The following SLC28A2 variants were observed in gnomAD, a reference collection of about 807,000 sequenced individuals.
SLC28A2 encodes the protein solute carrier family 28 member 2.
SLC28A2 carries 69 observed loss-of-function variants against 72.9 expected under a neutral mutation model. The observed-to-expected ratio is 0.95, with a 90% confidence interval of 0.78 to 1.16. The LOEUF (loss-of-function observed/expected upper bound fraction) is 1.16, where lower values mean the gene tolerates loss of function less well. SLC28A2 is among the 50% of genes most tolerant of loss of function. The pLI is 0.00. For synonymous variants in SLC28A2, 296 were observed against 294.1 expected (o/e 1.01, Z -0.07); for missense variants, 745 against 791.1 (o/e 0.94, Z 0.70).
At chr15:45,264,484 G>A (rs371198039) in intron 6 of SLC28A2, 171 bp from the exon 7 acceptor site, 1 of 591,356 alleles carries the variant, frequency 1.7e-6, no homozygotes, top group African/African-American at 1.9e-5. Context: ...GTGGCTTTTT[G>A]TATATTACTG....
Position 45,269,467 on chromosome 15 carries a change from T to C in SLC28A2, c.1498T>C (p.Ser500Pro). The C allele has an allele frequency of 6.2e-7, 1 of 1,614,142 alleles. No homozygotes were observed. The highest frequency in any genetic ancestry group is 8.5e-7 in the Non-Finnish European group (1 of 1,179,982). The change falls in exon 14 of 18, where the codon TCT (serine) becomes CCT (proline). Residue 500 changes from serine (S) to proline (P), a missense_variant. Physicochemically the swap from Ser to Pro is moderately conservative, Grantham distance 74 (BLOSUM62 -1). Transcript: ENST00000347644. ...INEFVAYQQL[S>P]QYKNKRLSGM... ...TGAGTTTGTGGCTTATCAGCAACTG[T>C]CTCAATACAAGAACAAACGTCTCTC...
chr15:45,262,255 A>G (rs555937073), intron 4 of SLC28A2, 149 bp downstream of exon 4: 31 of 598,842 alleles, frequency 5.2e-5, no homozygotes, highest in Non-Finnish European at 6.6e-5. Context: ...TTGTAGGTGC[A>G]CCATAATGTA....
intron 17 of SLC28A2, among the ~76,000 whole-genome samples, chr15:45,273,503 G>A (rs1361925855): frequency 3.3e-5 from 5 of 152,172 alleles, no homozygotes; most frequent in Non-Finnish European, 2.9e-5. Flanking sequence ...TGATATATGC[G>A]TGAGTGAAGG....
chr15:45,270,331 G>A (rs564226560), intron 15 of SLC28A2, 55 bp downstream of exon 15: 1 of 1,158,806 alleles, frequency 8.6e-7, no homozygotes, highest in African/African-American at 1.5e-5. Flanking sequence ...CCCAGCTTCT[G>A]TAGTGGGCAG....
At chr15:45,266,208 G>T in intron 10 of SLC28A2, 47 bp downstream of exon 10, 1 of 1,334,186 alleles carries the variant, frequency 7.5e-7, no homozygotes, top group African/African-American at 1.4e-5. Context: ...GAGGAACTGA[G>T]AATTTGGCAC....
rs761762229 is a variant in SLC28A2 at position 45,267,816 on chromosome 15, T to C, written c.1199+20T>C. The stretch of plus-strand genomic sequence containing the variant: ...CCGTGGGTGAGTCCAAGGAGGCATA[T>C]ACTTTGGGAGATGGTGAGCTGTAGT... On this transcript the variant is annotated intron_variant, in intron 12 of 17. Coordinates refer to ENST00000347644, the MANE Select transcript of SLC28A2 (RefSeq NM_004212.4). The C allele has an allele frequency of 1.9e-6, 3 of 1,613,300 alleles. No individual in the cohort carries two copies. The highest frequency in any genetic ancestry group is 1.7e-5 in the Admixed American group (1 of 59,978).
chr15:45,263,395 C>A, intron 5 of SLC28A2, 151 bp downstream of exon 5: 1 of 702,140 alleles, frequency 1.4e-6, no homozygotes, highest in Non-Finnish European at 2.3e-6. Flanking sequence ...CCTCTGAGCA[C>A]AGGACCTCAG....
Position 45,267,803 on chromosome 15 carries a change from C to T in SLC28A2, c.1199+7C>T, listed in dbSNP as rs1430414149. 1 of 1,613,652 alleles carries T rather than the reference C, an allele frequency of 6.2e-7. No individual in the cohort carries two copies. The highest frequency in any genetic ancestry group is 8.5e-7 in the Non-Finnish European group (1 of 1,179,860). On this transcript the variant is annotated splice_region_variant and intron_variant, in intron 12 of 17. Coordinates refer to ENST00000347644, the MANE Select transcript of SLC28A2 (RefSeq NM_004212.4). The stretch of plus-strand genomic sequence containing the variant: ...GGGTAAAGCTGCCCCGTGGGTGAGT[C>T]CAAGGAGGCATATACTTTGGGAGAT...
intron 3 of SLC28A2, among the ~76,000 whole-genome samples, chr15:45,255,674 G>A (rs944417858): frequency 2.6e-5 from 4 of 152,050 alleles, no homozygotes; most frequent in Admixed American, 2.6e-4. Context: ...CTTGAACAAG[G>A]AGTTGGGAAG....
At chr15:45,263,403 C>T (rs1900225245) in intron 5 of SLC28A2, among the ~76,000 whole-genome samples, 159 bp downstream of exon 5, 2 of 152,194 alleles carry the variant, frequency 1.3e-5, no homozygotes, top group Admixed American at 1.3e-4. Flanking sequence ...CACAGGACCT[C>T]AGTCCAGATT....
chr15:45,266,499 C>G (rs895414748), intron 10 of SLC28A2, among the ~76,000 whole-genome samples: 1 of 152,162 alleles, frequency 6.6e-6, no homozygotes, highest in Admixed American at 6.5e-5. Flanking sequence ...TGGTTTCTCC[C>G]TGTGACTCCC....
chr15:45,272,945 T>C (rs1024584626), intron 17 of SLC28A2, among the ~76,000 whole-genome samples, 161 bp downstream of exon 17: 3 of 152,222 alleles, frequency 2.0e-5, no homozygotes, highest in African/African-American at 7.2e-5. Context: ...ATTAGCTTAG[T>C]ATGCTCCAGC....
At chr15:45,273,105 T>C (rs1900639403) in intron 17 of SLC28A2, among the ~76,000 whole-genome samples, 1 of 152,168 alleles carries the variant, frequency 6.6e-6, no homozygotes, top group Non-Finnish European at 1.5e-5. Context: ...AGTGGGAGGA[T>C]GGTTTGAGCC....
In SLC28A2 at chr15:45,275,424, T is replaced by G. The variant is rs757204145; in HGVS notation, c.1888T>G (p.Ser630Ala). The change falls in exon 18 of 18, where the codon TCT (serine) becomes GCT (alanine). Residue 630 changes from serine to alanine, a missense_variant. Coordinates refer to ENST00000347644, the MANE Select transcript of SLC28A2 (RefSeq NM_004212.4). The stretch of plus-strand genomic sequence containing the variant: ...TTCTCTGAATGGCACCAACCCTCCT[T>G]CTTTTTCTGGTCCCTGGGAAGATAA... ...STSLNGTNPP[S>A]FSGPWEDKEF... The G allele has an allele frequency of 6.2e-7, 1 of 1,613,416 alleles. No homozygotes were observed. The highest frequency in any genetic ancestry group is 8.5e-7 in the Non-Finnish European group (1 of 1,179,464).
intron 3 of SLC28A2, 72 bp downstream of exon 3, chr15:45,253,592 G>A: frequency 1.1e-6 from 1 of 888,156 alleles, no homozygotes; most frequent in Non-Finnish European, 1.8e-6. Flanking sequence ...GCAGCTTGTG[G>A]TATTATCACA....
In SLC28A2 at chr15:45,268,624, C is replaced by T. The variant is rs548466867; in HGVS notation, c.1368+246C>T. On this transcript the variant is annotated intron_variant, in intron 13 of 17. Coordinates refer to ENST00000347644, the MANE Select transcript of SLC28A2 (RefSeq NM_004212.4). ...GTCAGTGTGGTGACTCCTCAGGGATCTAGAACTAGAAATACCATTTGACCC... is the reference window on the plus strand; with the variant it reads ...GTCAGTGTGGTGACTCCTCAGGGATTTAGAACTAGAAATACCATTTGACCC... 1.4e-4 allele frequency among the ~76,000 whole-genome samples: 21 copies of T among 152,256 alleles called. No individual in the cohort carries two copies. The South Asian group carries it at 3.7e-3, about 27-fold the overall frequency.
intron 7 of SLC28A2, 40 bp downstream of exon 7, chr15:45,264,808 C>T (rs773267585): frequency 4.0e-6 from 5 of 1,247,860 alleles, no homozygotes; most frequent in Non-Finnish European, 5.9e-6. Context: ...TCTTTTAGAA[C>T]CCTAGAGAAA....
At position 45,275,782 on chromosome 15, in the gene SLC28A2, A is replaced by G; in HGVS notation, c.*269A>G. 1 of 232,180 alleles carries G rather than the reference A, an allele frequency of 4.3e-6. No individual in the cohort carries two copies. The highest frequency in any genetic ancestry group is 8.4e-5 in the South Asian group (1 of 11,878). The allele number at this position is 232,180 out of a possible 1,614,324, so 14.4% of individuals were successfully genotyped here. On this transcript the variant is annotated 3_prime_UTR_variant, in exon 18 of 18. Transcript: ENST00000347644. ...AACCCCGTCTCTACTAAAAATACAA[A>G]AAATTAGCCGGGAGTGGTGTCGGGC...
chr15:45,264,844 AT>A, intron 7 of SLC28A2, 76 bp downstream of exon 7: 1 of 912,008 alleles, frequency 1.1e-6, no homozygotes, highest in Non-Finnish European at 1.8e-6. Flanking sequence ...GCATGAGAAG[AT>A]TAGGCTGTAT....
Sources: gnomAD v4.1 joint callset for allele counts (sites outside exome capture counted in the v4.1 genomes callset) on GRCh38, gnomAD v4.1.1 for gene constraint, MANE v1.5 for transcripts, NCBI Gene and HGNC (gene_info 2026-07-23, HGNC 2026-07-21) for gene names.